PIK3CD: variants seen among roughly 807,000 people sequenced by gnomAD.
PIK3CD encodes the protein phosphatidylinositol-4,5-bisphosphate 3-kinase catalytic subunit delta.
A neutral mutation model predicts 122.9 loss-of-function variants in PIK3CD; 20 were observed. The observed-to-expected ratio is 0.16, with a 90% CI of 0.11 to 0.24. The LOEUF (loss-of-function observed/expected upper bound fraction) is 0.24. PIK3CD is among the 10% of genes least tolerant of loss of function. The pLI, the probability that PIK3CD is intolerant of heterozygous loss-of-function variation, is 1.00. For synonymous variants in PIK3CD, 596 were observed against 593.4 expected, an observed-to-expected ratio of 1.00 and a Z score of -0.06; for missense variants, 787 against 1,406.3, an observed-to-expected ratio of 0.56 and a Z score of 7.04.
At chr1:9,636,079 A>G in the PIK3CD span, among the ~76,000 whole-genome samples, 1 of 152,234 alleles carries the variant, frequency 6.6e-6, no homozygotes, top group Non-Finnish European at 1.5e-5. Context: ...ACAGACAAAA[A>G]TGGAGATAAA....
At position 9,719,800 on chromosome 1, in the gene PIK3CD, T is replaced by C; in HGVS notation, c.1243-121T>C. On this transcript the variant is annotated intron_variant, in intron 9 of 23. Coordinates refer to ENST00000377346, the MANE Select transcript of PIK3CD (RefSeq NM_005026.5). This position sits in a 1 kb window ranked among gnomAD's most constrained non-coding sequence, Gnocchi z 5.5. Reference sequence around the variant, plus strand: ...TTCCCCAAGCAGGGTCTCCCAGGGGTCTGGTTGGGAGATGTTAGCTGGGCT... The same window carrying C: ...TTCCCCAAGCAGGGTCTCCCAGGGGCCTGGTTGGGAGATGTTAGCTGGGCT... The C allele has an allele frequency of 2.4e-6, 2 of 825,930 alleles. No individual in the cohort carries two copies. The highest frequency in any genetic ancestry group is 2.7e-5 in the South Asian group (2 of 74,062). 51.2% of individuals were successfully genotyped at this position (825,930 alleles called of 1,614,324 possible). A position where few individuals can be genotyped will look rare whatever the true frequency, so the allele number is the denominator to read the frequency against.
At chr1:9,642,260 G>C in the PIK3CD span, among the ~76,000 whole-genome samples, 1 of 151,724 alleles carries the variant, frequency 6.6e-6, no homozygotes, top group Non-Finnish European at 1.5e-5. Flanking sequence ...CTACAGGCAT[G>C]CACCACCATG....
At chr1:9,638,845 G>A in the PIK3CD span, among the ~76,000 whole-genome samples, 202 of 139,908 alleles carry the variant, frequency 1.4e-3, 2 homozygotes, top group Non-Finnish European at 9.3e-4. Flanking sequence ...GTGTGATCTC[G>A]GCTCACTGCA....
chr1:9,694,565 T>C (rs1646330266), intron 2 of PIK3CD, among the ~76,000 whole-genome samples: 1 of 152,072 alleles, frequency 6.6e-6, no homozygotes, highest in Non-Finnish European at 1.5e-5. Flanking sequence ...TGCTTTGTCA[T>C]TTCACACTGA....
intron 2 of PIK3CD, among the ~76,000 whole-genome samples, chr1:9,692,176 G>T (rs1017994107): frequency 1.3e-5 from 2 of 152,192 alleles, no homozygotes; most frequent in Non-Finnish European, 2.9e-5. Flanking sequence ...TGGGGGCCTG[G>T]AATAGCTGGG....
rs1324015645 is a variant in PIK3CD at position 9,717,935 on chromosome 1, G to C, written c.1020+309G>C. Among the ~76,000 whole-genome samples the C allele has an allele frequency of 6.6e-6, 1 of 152,180 alleles. No individual in the cohort carries two copies. Among genetic ancestry groups the C allele is most frequent in the African/African-American group, 2.4e-5 (1 of 41,438 alleles). Reference sequence around the variant, plus strand: ...GGACCGCAGAGCTGGGGGAAGGGCCGGGCATGGAAGAGGGGCTGGGTCCAG... The same window carrying C: ...GGACCGCAGAGCTGGGGGAAGGGCCCGGCATGGAAGAGGGGCTGGGTCCAG... On this transcript the variant is annotated intron_variant, in intron 8 of 23. Coordinates refer to ENST00000377346, the MANE Select transcript of PIK3CD (RefSeq NM_005026.5). The surrounding 1 kb of genome is among the most constrained non-coding windows in gnomAD (Gnocchi z 5.4).
chr1:9,677,113 A>G (rs1645568344), intron 1 of PIK3CD, among the ~76,000 whole-genome samples: 1 of 152,132 alleles, frequency 6.6e-6, no homozygotes, highest in Non-Finnish European at 1.5e-5. Flanking sequence ...CCCTAAGCTG[A>G]CAGCCGGGTA....
chr1:9,727,115 A>G lies in PIK3CD; in HGVS notation c.*69A>G, dbSNP rs1228622149. The G allele has an allele frequency of 3.8e-6, 6 of 1,576,924 alleles. No individual in the cohort carries two copies. Among genetic ancestry groups the G allele is most frequent in the Non-Finnish European group, 5.2e-6 (6 of 1,148,656 alleles). On this transcript the variant is annotated 3_prime_UTR_variant, in exon 24 of 24. Transcript: ENST00000377346. The stretch of plus-strand genomic sequence containing the variant: ...CGTGGGGACCAAGCACATTGGTCCT[A>G]AAGGGGCTGAAGAGCCTGAACTGCA...
chr1:9,669,902 G>A (rs988253267), intron 1 of PIK3CD, among the ~76,000 whole-genome samples: 8 of 152,090 alleles, frequency 5.3e-5, no homozygotes, highest in Non-Finnish European at 1.0e-4. Context: ...TGCCAGGCGC[G>A]GTGGCTCACG....
chr1:9,644,663 T>C, the PIK3CD span, among the ~76,000 whole-genome samples: 5 of 152,184 alleles, frequency 3.3e-5, no homozygotes, highest in Non-Finnish European at 7.3e-5. Context: ...TTTTAACTGT[T>C]GTCATGTGTG....
At chr1:9,697,954 C>G (rs770320998) in intron 2 of PIK3CD, among the ~76,000 whole-genome samples, 25 of 152,040 alleles carry the variant, frequency 1.6e-4, no homozygotes, top group Non-Finnish European at 2.8e-4. Context: ...TGGCTTGAGC[C>G]TGGGACGTGG....
chr1:9,646,688 C>A, the PIK3CD span, among the ~76,000 whole-genome samples: 3 of 152,196 alleles, frequency 2.0e-5, no homozygotes, highest in South Asian at 6.2e-4. Context: ...TGTGGTGGCT[C>A]ACGCCTGTGG....
At chr1:9,641,457 C>T in the PIK3CD span, among the ~76,000 whole-genome samples, 3 of 146,884 alleles carry the variant, frequency 2.0e-5, no homozygotes, top group Admixed American at 1.3e-4. Context: ...GCAGAAGTGA[C>T]TCCTTCAAGG....
intron 1 of PIK3CD, among the ~76,000 whole-genome samples, chr1:9,685,339 T>C (rs1440783706): frequency 6.6e-6 from 1 of 151,868 alleles, no homozygotes; most frequent in Non-Finnish European, 1.5e-5. Context: ...CTTTAGTTGC[T>C]TTTTTTTGGT....
chr1:9,674,891 G>C (rs143763738), intron 1 of PIK3CD, among the ~76,000 whole-genome samples: 2,575 of 151,142 alleles, frequency 0.017, 81 homozygotes, highest in African/African-American at 0.058. Flanking sequence ...AAATTAGCCA[G>C]GTATGATGAT....
the PIK3CD span, among the ~76,000 whole-genome samples, chr1:9,634,731 G>A: frequency 1.3e-5 from 2 of 152,286 alleles, no homozygotes; most frequent in East Asian, 3.9e-4. Flanking sequence ...CCCTCACTCT[G>A]CCTCGAGTCA....
At chr1:9,709,982 G>A (rs1311386038) in intron 2 of PIK3CD, among the ~76,000 whole-genome samples, 1 of 151,996 alleles carries the variant, frequency 6.6e-6, no homozygotes, top group Non-Finnish European at 1.5e-5. Flanking sequence ...CTCCAGCCTG[G>A]GTGACAGAGC....
chr1:9,725,549 C>T (rs1255800280), intron 23 of PIK3CD, among the ~76,000 whole-genome samples: 2 of 150,114 alleles, frequency 1.3e-5, no homozygotes, highest in African/African-American at 4.9e-5. Flanking sequence ...GAGCAAAACT[C>T]GGTCTCAAAA....
At chr1:9,646,311 TGG>T in the PIK3CD span, among the ~76,000 whole-genome samples, 6 of 152,090 alleles carry the variant, frequency 3.9e-5, no homozygotes, top group Non-Finnish European at 8.8e-5. Context: ...AGTTCATAGT[TGG>T]GACAGCCCGC....
Sources: gnomAD v4.1 joint callset for allele counts (sites outside exome capture counted in the v4.1 genomes callset) on GRCh38, gnomAD v4.1.1 for gene constraint, Gnocchi (gnomAD v3.1) non-coding constraint, MANE v1.5 for transcripts, NCBI Gene and HGNC (gene_info 2026-07-23, HGNC 2026-07-21) for gene names.